STXBP4: variants seen among roughly 807,000 people sequenced by gnomAD.
STXBP4 encodes syntaxin-binding protein 4.
Under a neutral mutation model 76.1 loss-of-function variants are expected in STXBP4, and 55 were observed. That is an observed-to-expected ratio of 0.72 (90% CI 0.58 to 0.91). The LOEUF is 0.91. STXBP4 is among the 40% of genes least tolerant of loss of function. STXBP4 has a pLI of 0.00. For missense variants in STXBP4, 618 were observed against 636.9 expected, an observed-to-expected ratio of 0.97 and a Z score of 0.32; for synonymous variants, 201 against 220.2, an observed-to-expected ratio of 0.91 and a Z score of 0.77.
chr17:55,070,589 A>T (rs1393063218), intron 12 of STXBP4, among the ~76,000 whole-genome samples: 6 of 152,204 alleles, frequency 3.9e-5, no homozygotes, highest in African/African-American at 1.4e-4. Context: ...TGCCAGATTT[A>T]GCTTTCTAAA....
chr17:55,006,628 T>C lies in STXBP4; in HGVS notation c.575-878T>C, dbSNP rs551814650. Reference sequence around the variant, plus strand: ...GGCTCATTTAAATAATCAGGGTATATTGAGAAGATGTAGAAAAATGGGTAA... The same window carrying C: ...GGCTCATTTAAATAATCAGGGTATACTGAGAAGATGTAGAAAAATGGGTAA... On this transcript the variant is annotated intron_variant, in intron 7 of 17. Coordinates refer to ENST00000376352, the MANE Select transcript of STXBP4 (RefSeq NM_178509.6). Among the ~76,000 whole-genome samples, 45 of 152,298 alleles carry C rather than the reference T, an allele frequency of 3.0e-4. 1 individual carries two copies. The highest frequency in any genetic ancestry group is 6.8e-3 in the Middle Eastern group (2 of 294).
intron 16 of STXBP4, among the ~76,000 whole-genome samples, chr17:55,087,526 G>T (rs1366495697): frequency 6.6e-6 from 1 of 152,038 alleles, no homozygotes. Flanking sequence ...CAATGCTTTT[G>T]GCACCTTTGT....
At chr17:55,013,092 T>C (rs2144579389) in intron 8 of STXBP4, among the ~76,000 whole-genome samples, 1 of 152,334 alleles carries the variant, frequency 6.6e-6, no homozygotes, top group Admixed American at 6.5e-5. Context: ...CCCTGTATTA[T>C]TTTAACTGCT....
chr17:55,148,953 G>T (rs779087914), intron 17 of STXBP4, among the ~76,000 whole-genome samples: 4 of 152,124 alleles, frequency 2.6e-5, no homozygotes, highest in Non-Finnish European at 4.4e-5. Context: ...AAGATCTAAG[G>T]CTCACTGGAT....
At chr17:55,180,940 ACAT>A in the STXBP4 span, among the ~76,000 whole-genome samples, 1 of 152,220 alleles carries the variant, frequency 6.6e-6, no homozygotes, top group Admixed American at 6.5e-5. Flanking sequence ...ACTTCATCCT[ACAT>A]CATGTCAACT....
In STXBP4 at chr17:55,158,182, C is replaced by A. The variant is rs553549951; in HGVS notation, c.1548-1615C>A. ...AGTTCAAGCAGTCCTCCCATATTAG[C>A]CTCCCAAGTCAGTAACTGGGATTAC... On this transcript the variant is annotated intron_variant, in intron 17 of 17. Transcript: ENST00000376352. Among the ~76,000 whole-genome samples the A allele has an allele frequency of 3.3e-4, 51 of 152,258 alleles. 1 individual carries two copies. The highest frequency in any genetic ancestry group is 6.9e-4 in the Non-Finnish European group (47 of 68,008).
intron 16 of STXBP4, among the ~76,000 whole-genome samples, chr17:55,107,901 G>A (rs1160792179): frequency 6.6e-6 from 1 of 152,206 alleles, no homozygotes; most frequent in African/African-American, 2.4e-5. Flanking sequence ...AGAGGTCAGG[G>A]ATCCGCTTGA....
At chr17:55,074,308 A>G (rs1401510869) in intron 13 of STXBP4, among the ~76,000 whole-genome samples, 1 of 152,188 alleles carries the variant, frequency 6.6e-6, no homozygotes, top group Non-Finnish European at 1.5e-5. Context: ...CCAATTCCAC[A>G]AGAAGGCTGA....
intron 1 of STXBP4, among the ~76,000 whole-genome samples, chr17:54,969,441 G>C (rs1053044339): frequency 1.3e-5 from 2 of 152,204 alleles, no homozygotes; most frequent in Non-Finnish European, 2.9e-5. Context: ...TAAGAGCTCA[G>C]GTTCTGAGGT....
chr17:55,081,799 G>C (rs1308051433), intron 16 of STXBP4, among the ~76,000 whole-genome samples: 2 of 152,090 alleles, frequency 1.3e-5, no homozygotes, highest in Non-Finnish European at 2.9e-5. Flanking sequence ...TACATGAACT[G>C]TCACTAGATA....
At chr17:55,185,342 C>G in the STXBP4 span, among the ~76,000 whole-genome samples, 1 of 148,512 alleles carries the variant, frequency 6.7e-6, no homozygotes, top group Non-Finnish European at 1.5e-5. Context: ...CCTCCTCCTC[C>G]TCCTCCTTCT....
the STXBP4 span, among the ~76,000 whole-genome samples, chr17:55,182,080 T>C: frequency 6.6e-6 from 1 of 152,210 alleles, no homozygotes; most frequent in Admixed American, 6.5e-5. Flanking sequence ...AAATTATCTT[T>C]TTCTTTTTTC....
intron 5 of STXBP4, 79 bp downstream of exon 5, chr17:54,999,530 C>A: frequency 6.9e-7 from 1 of 1,447,894 alleles, no homozygotes; most frequent in Non-Finnish European, 9.4e-7. Context: ...GTATTAAGTA[C>A]TTTATAATAA....
rs566689868 is a variant in STXBP4 at position 55,032,133 on chromosome 17, C to T, written c.763+869C>T. Among the ~76,000 whole-genome samples, 46 of 152,146 alleles carry T rather than the reference C, an allele frequency of 3.0e-4. 1 individual carries two copies. The highest frequency in any genetic ancestry group is 6.8e-3 in the Middle Eastern group (2 of 294). Reference sequence around the variant, plus strand: ...AGATATTTTGCACATATATTCGTTCCACCACCAGTAATGTTTGAATATAAC... The same window carrying T: ...AGATATTTTGCACATATATTCGTTCTACCACCAGTAATGTTTGAATATAAC... On this transcript the variant is annotated intron_variant, in intron 9 of 17. Coordinates refer to ENST00000376352, the MANE Select transcript of STXBP4 (RefSeq NM_178509.6).
At chr17:55,126,353 A>T (rs2079913028) in intron 16 of STXBP4, among the ~76,000 whole-genome samples, 1 of 152,226 alleles carries the variant, frequency 6.6e-6, no homozygotes, top group Admixed American at 6.5e-5. Context: ...GCTCATAATG[A>T]ATGGAAAGAG....
chr17:55,125,479 CA>C (rs10632680), intron 16 of STXBP4, among the ~76,000 whole-genome samples: 2,780 of 91,726 alleles, frequency 0.03, 88 homozygotes, highest in East Asian at 0.24. Context: ...GGACAAAATA[CA>C]AAAAAAAAAA....
chr17:55,019,493 C>T (rs982430955), intron 8 of STXBP4, among the ~76,000 whole-genome samples: 12 of 152,022 alleles, frequency 7.9e-5, no homozygotes, highest in Admixed American at 3.3e-4. Context: ...TTAGTTTTGG[C>T]GTATCTTTGT....
the STXBP4 span, among the ~76,000 whole-genome samples, chr17:55,180,601 T>C: frequency 1.3e-5 from 2 of 152,242 alleles, no homozygotes; most frequent in Non-Finnish European, 2.9e-5. Context: ...ATGGAGACTT[T>C]ACAGGTAAGG....
At chr17:55,205,670 T>TA in the STXBP4 span, among the ~76,000 whole-genome samples, 2 of 151,968 alleles carry the variant, frequency 1.3e-5, no homozygotes, top group Non-Finnish European at 2.9e-5. Flanking sequence ...CTCATTGTAT[T>TA]AAAAAAATCT....
Sources: gnomAD v4.1 joint callset for allele counts (sites outside exome capture counted in the v4.1 genomes callset) on GRCh38, gnomAD v4.1.1 for gene constraint, MANE v1.5 for transcripts, NCBI Gene and HGNC (gene_info 2026-07-23, HGNC 2026-07-21) for gene names.